The following IFIH1 variants were observed in gnomAD, a reference collection of about 807,000 sequenced individuals.
The protein encoded by IFIH1 is interferon induced with helicase C domain 1.
Under a neutral mutation model 107.4 loss-of-function variants are expected in IFIH1, and 125 were observed. The observed-to-expected ratio is 1.16, with a 90% CI of 1.01 to 1.35. The LOEUF (loss-of-function observed/expected upper bound fraction) is 1.35, where lower values mean the gene tolerates loss of function less well. Ranked by LOEUF, IFIH1 falls within the 40% of genes most tolerant of loss-of-function variation. The pLI is 0.00. For missense variants in IFIH1, 1,333 were observed against 1,213.7 expected (o/e 1.10, Z -1.46); for synonymous variants, 458 against 413.2 (o/e 1.11, Z -1.31).
At chr2:162,305,602 T>TA (rs1240517133) in intron 3 of IFIH1, among the ~76,000 whole-genome samples, 1 of 150,780 alleles carries the variant, frequency 6.6e-6, no homozygotes, top group African/African-American at 2.5e-5. Flanking sequence ...AAAATGAAAT[T>TA]AAAAAAATAA....
rs1266525372 is a variant in IFIH1, at chr2:162,282,422, A to T, written c.1250T>A (p.Leu417His). 3 of 1,611,920 alleles carry T rather than the reference A, an allele frequency of 1.9e-6. No homozygotes were observed. The highest frequency in any genetic ancestry group is 1.7e-6 in the Non-Finnish European group (2 of 1,178,676). Residue 417 changes from leucine to histidine, a missense_variant, in exon 6 of 16, where the codon CTT becomes CAT. By Grantham distance (99) the Leu-to-His change is moderately conservative. Coordinates refer to ENST00000649979, the MANE Select transcript of IFIH1 (RefSeq NM_022168.4). The part of the protein sequence containing the change: ...CDIIISTAQI[L>H]ENSLLNLENG... The stretch of plus-strand genomic sequence containing the variant: ...TTCCAAGTTTAAGAGGGAGTTTTCA[A>T]GGATTTGAGCTGTACTGATAATAAT...
chr2:162,299,817 C>T (rs879943089), intron 3 of IFIH1, among the ~76,000 whole-genome samples: 8 of 152,120 alleles, frequency 5.3e-5, no homozygotes, highest in Admixed American at 2.6e-4. Flanking sequence ...AGTCTTAAAT[C>T]CTACCGCCCT....
Position 162,303,557 on chromosome 2 carries a change from G to A in IFIH1, c.769+3152C>T, listed in dbSNP as rs113909386. Among the ~76,000 whole-genome samples, 504 of 151,926 alleles carry A rather than the reference G, an allele frequency of 3.3e-3. 2 individuals are homozygous for A. Among genetic ancestry groups the A allele is most frequent in the African/African-American group, 0.011 (476 of 41,454 alleles). ...GTGCCTGGCACATGATAGGAGTTTG[G>A]AAAATAGTTGTTAAATGAAAGAAGT... On this transcript the variant is annotated intron_variant, in intron 3 of 15. Transcript: ENST00000649979.
intron 8 of IFIH1, 116 bp from the exon 9 acceptor site, chr2:162,278,444 A>AGAT: frequency 1.6e-6 from 1 of 606,534 alleles, no homozygotes; most frequent in Non-Finnish European, 2.7e-6. Flanking sequence ...GTTTAGACAA[A>AGAT]GTAACAGGTT....
Position 162,293,551 on chromosome 2 carries a change from A to G in IFIH1, c.874+13T>C. The stretch of plus-strand genomic sequence containing the variant: ...TCACACTTTTTAAGGTTTACACAAC[A>G]GTTAGGCAGTACCTGAATCACTTCC... On this transcript the variant is annotated intron_variant, in intron 4 of 15. Coordinates refer to ENST00000649979, the MANE Select transcript of IFIH1 (RefSeq NM_022168.4). 2 of 1,558,524 alleles carry G rather than the reference A, an allele frequency of 1.3e-6. No individual in the cohort carries two copies. Among genetic ancestry groups the G allele is most frequent in the Non-Finnish European group, 1.8e-6 (2 of 1,131,052 alleles).
At chr2:162,276,613 G>T in intron 11 of IFIH1, 74 bp downstream of exon 11, 2 of 1,487,104 alleles carry the variant, frequency 1.3e-6, no homozygotes, top group Non-Finnish European at 9.1e-7. Context: ...TGAAAGAAAA[G>T]AAGAAGAGAA....
intron 3 of IFIH1, among the ~76,000 whole-genome samples, chr2:162,296,964 C>G (rs1683093090): frequency 2.0e-5 from 3 of 151,994 alleles, no homozygotes; most frequent in Non-Finnish European, 4.4e-5. Context: ...TTCAGTTTCT[C>G]CACATAAAAA....
chr2:162,290,529 T>A (rs1020825583), intron 4 of IFIH1, among the ~76,000 whole-genome samples: 3 of 151,894 alleles, frequency 2.0e-5, no homozygotes, highest in African/African-American at 7.2e-5. Context: ...GCTACTTAAG[T>A]AGGCATGTAC....
chr2:162,299,882 C>T (rs1487380613), intron 3 of IFIH1, among the ~76,000 whole-genome samples: 2 of 152,158 alleles, frequency 1.3e-5, no homozygotes, highest in East Asian at 3.9e-4. Context: ...ATTTTGAGCT[C>T]TCTTGTGCTT....
chr2:162,274,605 G>A (rs1691115322), intron 11 of IFIH1, among the ~76,000 whole-genome samples: 2 of 152,006 alleles, frequency 1.3e-5, no homozygotes, highest in African/African-American at 4.8e-5. Flanking sequence ...AATGAAAGAA[G>A]AGGTTATGCA....
chr2:162,307,220 TA>T, intron 2 of IFIH1: 1 of 158,710 alleles, frequency 6.3e-6, no homozygotes, highest in Non-Finnish European at 1.4e-5. Context: ...AGACTGTAGC[TA>T]AAAAAACAAT....
In IFIH1 at chr2:162,292,427, C is replaced by A. The variant is rs113358745; in HGVS notation, c.874+1137G>T. 5.3e-5 allele frequency among the ~76,000 whole-genome samples: 8 copies of A among 151,876 alleles called. 1 individual carries two copies. Among genetic ancestry groups the A allele is most frequent in the African/African-American group, 1.9e-4 (8 of 41,508 alleles). ...GAATGACATTTGGTGAATTGGGTTT[C>A]CTCAAACTAATTTGTTCTAAGGGAT... is the stretch of plus-strand genomic sequence containing the variant. On this transcript the variant is annotated intron_variant, in intron 4 of 15. Transcript: ENST00000649979.
chr2:162,293,760 GTTCAA>G (rs899648118), intron 3 of IFIH1, 92 bp from the exon 4 acceptor site: 12 of 704,978 alleles, frequency 1.7e-5, no homozygotes, highest in African/African-American at 5.4e-5. Context: ...AGTACATACA[GTTCAA>G]TTCAAGTGGG....
intron 14 of IFIH1, 89 bp from the exon 15 acceptor site, chr2:162,267,658 G>A (rs1000095345): frequency 3.7e-5 from 35 of 938,280 alleles, no homozygotes; most frequent in Admixed American, 7.3e-5. Flanking sequence ...GAGCTCATCC[G>A]CATGCCTGCG....
At chr2:162,279,940 T>G (rs1194864976) in intron 8 of IFIH1, 56 bp downstream of exon 8, 4 of 939,674 alleles carry the variant, frequency 4.3e-6, no homozygotes, top group Non-Finnish European at 7.0e-6. Flanking sequence ...GCCTTTGCCA[T>G]CTTTCTACTG....
At chr2:162,284,558 G>A (rs1682866003) in intron 5 of IFIH1, among the ~76,000 whole-genome samples, 1 of 151,916 alleles carries the variant, frequency 6.6e-6, no homozygotes, top group South Asian at 2.1e-4. Context: ...AGTGGACTCA[G>A]AAGATAAAAG....
At position 162,318,178 on chromosome 2, in the gene IFIH1, CCTT is replaced by C; in HGVS notation, c.127_129del (p.Lys43del). The C allele has an allele frequency of 6.2e-7, 1 of 1,614,216 alleles. No homozygotes were observed. Among genetic ancestry groups the C allele is most frequent in the Non-Finnish European group, 8.5e-7 (1 of 1,180,044 alleles). On this transcript the variant is annotated inframe_deletion, in exon 1 of 16. Transcript: ENST00000649979. ...GTGGCGACTGTCCTCTGAATCTGCT[CCTT>C]CACCTCTGCAGGCAGAAAGGTCAGG...
At chr2:162,277,333 T>G (rs1235310847) in intron 10 of IFIH1, 82 bp downstream of exon 10, 4 of 991,192 alleles carry the variant, frequency 4.0e-6, no homozygotes, top group Admixed American at 2.4e-5. Flanking sequence ...ATATTTCTCT[T>G]TTTGGAGAGC....
At chr2:162,270,179 G>A (rs1691007815) in intron 13 of IFIH1, among the ~76,000 whole-genome samples, 1 of 152,104 alleles carries the variant, frequency 6.6e-6, no homozygotes, top group South Asian at 2.1e-4. Context: ...TAAATATACA[G>A]GAGGCACAGC....
Sources: gnomAD v4.1 joint callset for allele counts (sites outside exome capture counted in the v4.1 genomes callset) on GRCh38, gnomAD v4.1.1 for gene constraint, MANE v1.5 for transcripts, NCBI Gene and HGNC (gene_info 2026-07-23, HGNC 2026-07-21) for gene names.